RPS6KA2: variants seen among roughly 807,000 people sequenced by gnomAD.
RPS6KA2 encodes ribosomal protein S6 kinase alpha-2.
In RPS6KA2, 42 loss-of-function variants were observed where a neutral mutation model predicts 91.8. The observed-to-expected ratio is 0.46, with a 90% CI of 0.36 to 0.59. The LOEUF is 0.59. Among genes scored for constraint, RPS6KA2 ranks in the 20% least tolerant of loss-of-function variants. The pLI is 0.00. For missense variants in RPS6KA2, 798 were observed against 978.5 expected (o/e 0.82, Z 2.46); for synonymous variants, 414 against 393.6 (o/e 1.05, Z -0.61).
intron 2 of RPS6KA2, among the ~76,000 whole-genome samples, chr6:166,714,212 C>T (rs144580306): frequency 3.3e-5 from 5 of 152,336 alleles, no homozygotes; most frequent in Non-Finnish European, 5.9e-5. Flanking sequence ...TCTTTCTGTG[C>T]TACTGGTTTG....
At chr6:166,595,280 G>C (rs1365086143) in intron 1 of RPS6KA2, among the ~76,000 whole-genome samples, 1 of 152,130 alleles carries the variant, frequency 6.6e-6, no homozygotes, top group Non-Finnish European at 1.5e-5. Context: ...TCGAACTCCT[G>C]ACCTCAAGTG....
intron 8 of RPS6KA2, among the ~76,000 whole-genome samples, chr6:166,496,316 C>T (rs528337157): frequency 1.1e-4 from 16 of 151,256 alleles, no homozygotes; most frequent in African/African-American, 3.6e-4. Flanking sequence ...CAACACTGCA[C>T]TCCAGCCTGG....
chr6:166,468,384 G>A (rs937039370), intron 11 of RPS6KA2, among the ~76,000 whole-genome samples: 7 of 152,182 alleles, frequency 4.6e-5, no homozygotes, highest in Non-Finnish European at 1.0e-4. Flanking sequence ...TGTAAAACTA[G>A]GTTTTAAAAA....
At chr6:166,531,163 T>G (rs948973857) in intron 3 of RPS6KA2, 69 bp downstream of exon 3, 1 of 1,008,280 alleles carries the variant, frequency 9.9e-7, no homozygotes, top group Admixed American at 1.7e-5. Flanking sequence ...AATGAATATT[T>G]CCTCAAATAA....
intron 19 of RPS6KA2, among the ~76,000 whole-genome samples, chr6:166,415,334 A>G (rs1396135213): frequency 6.6e-6 from 1 of 152,230 alleles, no homozygotes; most frequent in Non-Finnish European, 1.5e-5. Flanking sequence ...TCTTATAGTC[A>G]TGACACTGAG....
chr6:166,494,235 C>T lies in RPS6KA2; in HGVS notation c.748-3494G>A, dbSNP rs1468398649. Among the ~76,000 whole-genome samples, 1 of 152,172 alleles carries T rather than the reference C, an allele frequency of 6.6e-6. No homozygotes were observed. Among genetic ancestry groups the T allele is most frequent in the Non-Finnish European group, 1.5e-5 (1 of 68,040 alleles). ...GTGGAGGTCCCTGTGTGCACAGACACATGCCCTCTAATCCGAGCTGCTCTC... is the reference window on the plus strand; with the variant it reads ...GTGGAGGTCCCTGTGTGCACAGACATATGCCCTCTAATCCGAGCTGCTCTC... On this transcript the variant is annotated intron_variant, in intron 8 of 20. Coordinates refer to ENST00000265678, the MANE Select transcript of RPS6KA2 (RefSeq NM_021135.6). This position sits in a 1 kb window ranked among gnomAD's most constrained non-coding sequence, Gnocchi z 5.1.
chr6:166,449,668 C>T (rs1268420991), intron 13 of RPS6KA2, among the ~76,000 whole-genome samples: 2 of 152,182 alleles, frequency 1.3e-5, no homozygotes, highest in Non-Finnish European at 2.9e-5. Flanking sequence ...GCCATAGACA[C>T]CATGGTGACA....
At chr6:166,669,068 T>G (rs951183958) in intron 2 of RPS6KA2, among the ~76,000 whole-genome samples, 3 of 151,984 alleles carry the variant, frequency 2.0e-5, no homozygotes, top group Non-Finnish European at 2.9e-5. Context: ...AATTTTTGTA[T>G]TTTTTGGTTG....
chr6:166,565,241 TAAA>T (rs1230905059), intron 1 of RPS6KA2, among the ~76,000 whole-genome samples: 8 of 152,148 alleles, frequency 5.3e-5, no homozygotes, highest in Non-Finnish European at 1.2e-4. Flanking sequence ...TCCAAACCAT[TAAA>T]CTCACACTGG....
At chr6:166,818,623 C>T (rs943571212) in intron 2 of RPS6KA2, among the ~76,000 whole-genome samples, 3 of 152,112 alleles carry the variant, frequency 2.0e-5, no homozygotes, top group Admixed American at 2.0e-4. Context: ...GTCGTCCATT[C>T]AGAGACCGTT....
At chr6:166,466,898 C>A (rs111069599) in intron 11 of RPS6KA2, among the ~76,000 whole-genome samples, 77 of 150,308 alleles carry the variant, frequency 5.1e-4, no homozygotes, top group African/African-American at 1.5e-3. Context: ...TCACTCACTC[C>A]CTCATTCACT....
chr6:166,707,345 A>G (rs1473554419), intron 2 of RPS6KA2, among the ~76,000 whole-genome samples: 1 of 152,186 alleles, frequency 6.6e-6, no homozygotes, highest in Non-Finnish European at 1.5e-5. Context: ...TGGCAGGGAG[A>G]CTTTCAGGAA....
At chr6:166,610,268 C>A (rs1300440035) in intron 1 of RPS6KA2, among the ~76,000 whole-genome samples, 2 of 152,216 alleles carry the variant, frequency 1.3e-5, no homozygotes, top group African/African-American at 4.8e-5. Flanking sequence ...GGCAGTAGCA[C>A]AGAAGGTAAA....
intron 2 of RPS6KA2, among the ~76,000 whole-genome samples, chr6:166,819,872 A>C (rs1249608611): frequency 6.6e-6 from 1 of 152,194 alleles, no homozygotes; most frequent in Non-Finnish European, 1.5e-5. Flanking sequence ...ATTACTAGAA[A>C]GGGGAGCTCT....
At chr6:166,529,638 T>G (rs964225775) in intron 3 of RPS6KA2, among the ~76,000 whole-genome samples, 1 of 152,206 alleles carries the variant, frequency 6.6e-6, no homozygotes, top group Non-Finnish European at 1.5e-5. Context: ...AACTAAAAAC[T>G]TGAGTGCCTA....
intron 19 of RPS6KA2, among the ~76,000 whole-genome samples, chr6:166,416,825 G>A (rs963033210): frequency 6.8e-5 from 10 of 146,278 alleles, no homozygotes; most frequent in African/African-American, 2.3e-4. Context: ...CTCCATCATC[G>A]CTGTCGCCAC....
chr6:166,668,050 T>C (rs1788368019), intron 2 of RPS6KA2, among the ~76,000 whole-genome samples: 2 of 152,124 alleles, frequency 1.3e-5, no homozygotes, highest in African/African-American at 4.8e-5. Flanking sequence ...TCTCCTGGAT[T>C]AAAGCACTCA....
intron 2 of RPS6KA2, among the ~76,000 whole-genome samples, chr6:166,807,141 C>T (rs1192609793): frequency 1.3e-5 from 2 of 152,162 alleles, no homozygotes; most frequent in African/African-American, 4.8e-5. Flanking sequence ...AAGTAAGTCC[C>T]TCCATACCAA....
At chr6:166,432,380 T>C in intron 15 of RPS6KA2, 21 bp downstream of exon 15, 3 of 1,528,720 alleles carry the variant, frequency 2.0e-6, no homozygotes, top group Admixed American at 1.7e-5. Flanking sequence ...GTGGAGATGC[T>C]GTTGCACGGG....
Sources: allele counts gnomAD v4.1 joint callset (sites outside exome capture counted in the v4.1 genomes callset), GRCh38; gene constraint gnomAD v4.1.1; non-coding constraint Gnocchi (gnomAD v3.1); transcripts MANE v1.5; gene names NCBI Gene and HGNC (gene_info 2026-07-23, HGNC 2026-07-21).